Variants in ADAMTS3 observed in about 807,000 individuals in gnomAD.
ADAMTS3 encodes ADAM metallopeptidase with thrombospondin type 1 motif 3, also known as A disintegrin and metalloproteinase with thrombospondin motifs 3.
A neutral mutation model predicts 129.0 loss-of-function variants in ADAMTS3; 73 were observed. That is an observed-to-expected ratio of 0.57 (90% CI 0.47 to 0.69). The LOEUF is 0.69. Among genes scored for constraint, ADAMTS3 ranks in the 30% least tolerant of loss-of-function variants. The probability of loss-of-function intolerance (pLI) is 0.00; values close to 1 mark genes in which losing one functional copy is unlikely to be tolerated. For synonymous variants in ADAMTS3, 477 were observed against 510.8 expected, an observed-to-expected ratio of 0.93 and a Z score of 0.89; for missense variants, 1,457 against 1,514.5, an observed-to-expected ratio of 0.96 and a Z score of 0.63.
intron 5 of ADAMTS3, among the ~76,000 whole-genome samples, chr4:72,329,751 G>GAA (rs200484137): frequency 6.6e-5 from 9 of 135,474 alleles, no homozygotes; most frequent in Admixed American, 3.0e-4. Flanking sequence ...TTTCTTTCAT[G>GAA]AAAAAAAAAA....
At chr4:72,513,224 C>A (rs1308460487) in intron 3 of ADAMTS3, among the ~76,000 whole-genome samples, 1 of 152,200 alleles carries the variant, frequency 6.6e-6, no homozygotes, top group Non-Finnish European at 1.5e-5. Context: ...TTTACCTATT[C>A]TATTTCCCAT....
intron 16 of ADAMTS3, 55 bp from the exon 17 acceptor site, chr4:72,304,135 C>CTG: frequency 6.5e-7 from 1 of 1,537,676 alleles, no homozygotes; most frequent in Non-Finnish European, 8.9e-7. Context: ...ATATTAAGTG[C>CTG]TGAAGATTCA....
At chr4:72,298,496 G>A in intron 17 of ADAMTS3, 54 bp from the exon 18 acceptor site, 1 of 1,356,810 alleles carries the variant, frequency 7.4e-7, no homozygotes, top group Non-Finnish European at 1.0e-6. Context: ...TAAATTTTGA[G>A]TGTAAAATTA....
intron 3 of ADAMTS3, among the ~76,000 whole-genome samples, chr4:72,459,189 G>A (rs1387571235): frequency 6.6e-6 from 1 of 151,510 alleles, no homozygotes; most frequent in Non-Finnish European, 1.5e-5. Context: ...TACAAAAGAA[G>A]CCCAAAGTTA....
intron 16 of ADAMTS3, 128 bp downstream of exon 16, chr4:72,305,859 T>C (rs1560465629): frequency 1.3e-6 from 1 of 776,560 alleles, no homozygotes; most frequent in Non-Finnish European, 2.2e-6. Context: ...CATATACGTA[T>C]GCACATGTAT....
At chr4:72,554,401 T>C (rs1241495030) in intron 2 of ADAMTS3, among the ~76,000 whole-genome samples, 1 of 152,192 alleles carries the variant, frequency 6.6e-6, no homozygotes, top group African/African-American at 2.4e-5. Context: ...TCAATAAATA[T>C]AGGTTAAAAG....
At chr4:72,500,864 T>C (rs756653815) in intron 3 of ADAMTS3, among the ~76,000 whole-genome samples, 2 of 152,160 alleles carry the variant, frequency 1.3e-5, no homozygotes, top group Non-Finnish European at 2.9e-5. Context: ...ATTTATTAAA[T>C]AGGGGGTCCT....
At chr4:72,371,381 C>T (rs1721001019) in intron 4 of ADAMTS3, among the ~76,000 whole-genome samples, 1 of 151,100 alleles carries the variant, frequency 6.6e-6, no homozygotes, top group African/African-American at 2.4e-5. Flanking sequence ...ATCTTAAATA[C>T]TAAAATGCAA....
chr4:72,548,755 T>C lies in ADAMTS3; in HGVS notation c.227A>G (p.Asn76Ser). The C allele has an allele frequency of 6.2e-7, 1 of 1,613,954 alleles. No individual in the cohort carries two copies. The highest frequency in any genetic ancestry group is 8.5e-7 in the Non-Finnish European group (1 of 1,179,896). ...KKRSARDVSS[N>S]PEQLFFNITA... ...GATGTTAAAGAACAACTGCTCAGGGTTGGAAGACACGTCCCTCGCTGACCT... is the reference window on the plus strand; with the variant it reads ...GATGTTAAAGAACAACTGCTCAGGGCTGGAAGACACGTCCCTCGCTGACCT... Residue 76 changes from asparagine to serine, a missense_variant, in exon 3 of 22, where the codon AAC (asparagine) becomes AGC (serine). Transcript: ENST00000286657.
At chr4:72,475,087 TAAAAC>T (rs955369369) in intron 3 of ADAMTS3, among the ~76,000 whole-genome samples, 14 of 141,956 alleles carry the variant, frequency 9.9e-5, no homozygotes, top group African/African-American at 3.6e-4. Flanking sequence ...GCAGGAAAAA[TAAAAC>T]AAAGAATTAA....
chr4:72,546,466 A>C (rs1721469872), intron 3 of ADAMTS3, among the ~76,000 whole-genome samples: 1 of 152,058 alleles, frequency 6.6e-6, no homozygotes, highest in African/African-American at 2.4e-5. Context: ...AAAAAAGTTG[A>C]AAACCTCTGT....
intron 4 of ADAMTS3, among the ~76,000 whole-genome samples, chr4:72,342,968 C>T (rs1427384200): frequency 6.6e-6 from 1 of 152,056 alleles, no homozygotes; most frequent in Admixed American, 6.5e-5. Flanking sequence ...GTTTAACAGG[C>T]AAAAGAAGAA....
intron 4 of ADAMTS3, among the ~76,000 whole-genome samples, chr4:72,342,983 G>A (rs966620488): frequency 6.6e-6 from 1 of 152,198 alleles, no homozygotes; most frequent in Non-Finnish European, 1.5e-5. Context: ...GAAGAAAAAG[G>A]AGAACAGCTC....
intron 5 of ADAMTS3, among the ~76,000 whole-genome samples, chr4:72,324,451 A>T (rs1166995571): frequency 6.6e-6 from 1 of 152,202 alleles, no homozygotes; most frequent in Non-Finnish European, 1.5e-5. Flanking sequence ...GCAAAGGTGG[A>T]AGTAAAAAAT....
chr4:72,389,707 A>T (rs961732176), intron 4 of ADAMTS3, among the ~76,000 whole-genome samples: 1 of 152,176 alleles, frequency 6.6e-6, no homozygotes, highest in African/African-American at 2.4e-5. Context: ...CTTTTAAAAA[A>T]ATCTCCTGAA....
chr4:72,548,326 G>T, intron 3 of ADAMTS3, 152 bp downstream of exon 3: 2 of 747,140 alleles, frequency 2.7e-6, no homozygotes, highest in Non-Finnish European at 4.1e-6. Context: ...GCATATCTTT[G>T]ACAGCAAAAT....
chr4:72,417,618 G>A lies in ADAMTS3; in HGVS notation c.505-2647C>T, dbSNP rs539220174. Among the ~76,000 whole-genome samples the A allele has an allele frequency of 2.0e-5, 3 of 152,128 alleles. No homozygotes were observed. In the South Asian group the frequency reaches 6.2e-4, roughly 32 times the overall value. ...TCGGCCCTTTTATTTATTAATTTAA[G>A]TAAAGTTTAATGAAAGAAAGTACTT... On this transcript the variant is annotated intron_variant, in intron 3 of 21. Coordinates refer to ENST00000286657, the MANE Select transcript of ADAMTS3 (RefSeq NM_014243.3).
intron 3 of ADAMTS3, among the ~76,000 whole-genome samples, chr4:72,513,705 A>G (rs1432218892): frequency 6.6e-6 from 1 of 152,082 alleles, no homozygotes; most frequent in East Asian, 1.9e-4. Context: ...AATCTTAAAT[A>G]TTCTTTTCTT....
Position 72,488,340 on chromosome 4 carries a change from G to A in ADAMTS3, c.504+60138C>T, listed in dbSNP as rs149748047. Among the ~76,000 whole-genome samples, 279 of 151,954 alleles carry A rather than the reference G, an allele frequency of 1.8e-3. 3 individuals are homozygous for A. Among genetic ancestry groups the A allele is most frequent in the African/African-American group, 6.3e-3 (261 of 41,474 alleles). ...TTACACTGCTATTTTTACTTTATAG[G>A]TTCTTGAATTTTAAGGATTTATTTC... On this transcript the variant is annotated intron_variant, in intron 3 of 21. Transcript: ENST00000286657.
Sources: allele counts gnomAD v4.1 joint callset (sites outside exome capture counted in the v4.1 genomes callset), GRCh38; gene constraint gnomAD v4.1.1; transcripts MANE v1.5; gene names NCBI Gene and HGNC (gene_info 2026-07-23, HGNC 2026-07-21).